ARIH2: variants seen among roughly 807,000 people sequenced by gnomAD.
ARIH2 encodes the protein ariadne RBR E3 ubiquitin protein ligase 2.
Under a neutral mutation model 79.8 loss-of-function variants are expected in ARIH2, and 12 were observed. The observed-to-expected ratio is 0.15, with a 90% confidence interval of 0.10 to 0.24. The LOEUF is 0.24. Among genes scored for constraint, ARIH2 ranks in the 10% least tolerant of loss-of-function variants. The pLI, the probability that ARIH2 is intolerant of heterozygous loss-of-function variation, is 1.00. For synonymous variants in ARIH2, 224 were observed against 213.9 expected, an observed-to-expected ratio of 1.05 and a Z score of -0.41; for missense variants, 301 against 618.3, an observed-to-expected ratio of 0.49 and a Z score of 5.44.
intron 3 of ARIH2, among the ~76,000 whole-genome samples, chr3:48,949,392 C>T (rs538938867): frequency 6.6e-6 from 1 of 152,324 alleles, no homozygotes; most frequent in East Asian, 1.9e-4. Flanking sequence ...CAGGTGTGAG[C>T]CATCGTGCCC....
intron 3 of ARIH2, among the ~76,000 whole-genome samples, chr3:48,930,121 G>A (rs1165155375): frequency 6.6e-6 from 1 of 152,156 alleles, no homozygotes; most frequent in Non-Finnish European, 1.5e-5. Flanking sequence ...GCAAAAAAAG[G>A]TTGTGGCTCT....
chr3:48,960,695 CAG>C (rs1394197555), intron 3 of ARIH2, among the ~76,000 whole-genome samples: 7 of 149,690 alleles, frequency 4.7e-5, no homozygotes, highest in African/African-American at 1.7e-4. Flanking sequence ...GCCTGGGAGA[CAG>C]AGGTTGCAGT....
intron 3 of ARIH2, among the ~76,000 whole-genome samples, chr3:48,960,778 T>G (rs2091168474): frequency 6.6e-6 from 1 of 152,088 alleles, no homozygotes; most frequent in East Asian, 1.9e-4. Flanking sequence ...AAAAAAGTCT[T>G]TCTATGTTAA....
At chr3:48,965,463 T>G (rs930482896) in intron 5 of ARIH2, among the ~76,000 whole-genome samples, 3 of 152,222 alleles carry the variant, frequency 2.0e-5, no homozygotes, top group African/African-American at 7.2e-5. Flanking sequence ...AAAGTTTCCT[T>G]ATAGATAGGG....
At chr3:48,982,210 T>G (rs2107707774) in intron 14 of ARIH2, among the ~76,000 whole-genome samples, 1 of 152,324 alleles carries the variant, frequency 6.6e-6, no homozygotes, top group East Asian at 1.9e-4. Flanking sequence ...AGAGAGAAAT[T>G]ACCACTGTCA....
chr3:48,938,130 TTGA>T lies in ARIH2; in HGVS notation c.255+10323_255+10325del, dbSNP rs368551756. Among the ~76,000 whole-genome samples the T allele has an allele frequency of 4.1e-4, 63 of 152,250 alleles. 2 individuals are homozygous for T. The South Asian group carries it at 0.013, about 31-fold the overall frequency. ...CACCAGGTTGGCCAGGCTGTCCTTTTTGATGATGTAGAGATGACTGATGGCATC... is the reference window on the plus strand; with the variant it reads ...CACCAGGTTGGCCAGGCTGTCCTTTTTGATGTAGAGATGACTGATGGCATC... On this transcript the variant is annotated intron_variant, in intron 3 of 15. Transcript: ENST00000356401.
At position 48,967,196 on chromosome 3, in the gene ARIH2, T is replaced by G. The variant is rs1272669426; in HGVS notation, c.459T>G (p.Ser153=). The change falls in exon 6 of 16, where the codon TCT becomes TCG. Residue 153 remains serine (S), a synonymous_variant. Transcript: ENST00000356401. ...MQFVRKENLL[S]LACQHQFCRS... ...TTGTGCGAAAGGAAAACCTACTCTC[T>G]CTGGCCTGTCAGCACCAGTTTTGCC... 6.2e-7 allele frequency: 1 copy of G among 1,614,224 alleles called. No homozygotes were observed. Among genetic ancestry groups the G allele is most frequent in the South Asian group, 1.1e-5 (1 of 91,082 alleles).
chr3:48,964,001 C>T lies in ARIH2; in HGVS notation c.324-918C>T, dbSNP rs542508423. 9.2e-5 allele frequency among the ~76,000 whole-genome samples: 14 copies of T among 152,012 alleles called. No homozygotes were observed. In the East Asian group the frequency reaches 2.5e-3, roughly 27 times the overall value. ...GTTTTGTTTACTCTGAATACTGATC[C>T]TTTGCCAGTTATTTTTTTTATTTTT... On this transcript the variant is annotated intron_variant, in intron 4 of 15. Coordinates refer to ENST00000356401, the MANE Select transcript of ARIH2 (RefSeq NM_006321.4).
chr3:48,919,322 C>A, intron 1 of ARIH2: 1 of 783,922 alleles, frequency 1.3e-6, no homozygotes, highest in Non-Finnish European at 1.8e-6. Context: ...CGGGGCTCAC[C>A]ACTCGAGTCA....
At chr3:48,967,939 A>G (rs1279410236) in intron 6 of ARIH2, 1 of 151,834 alleles carries the variant, frequency 6.6e-6, no homozygotes, top group Non-Finnish European at 1.5e-5. Flanking sequence ...AGTTTCTTTT[A>G]TGCAACTTGG....
chr3:48,938,000 T>TCA (rs1196455040), intron 3 of ARIH2, among the ~76,000 whole-genome samples: 1 of 147,206 alleles, frequency 6.8e-6, no homozygotes, highest in Non-Finnish European at 1.5e-5. Context: ...TGAGCCGAGA[T>TCA]TGTGCCACTG....
intron 3 of ARIH2, among the ~76,000 whole-genome samples, chr3:48,943,966 A>C (rs1043872698): frequency 1.3e-5 from 2 of 151,976 alleles, no homozygotes; most frequent in African/African-American, 4.8e-5. Context: ...TTTTAGTCCT[A>C]CTCTGTGCAG....
chr3:48,969,315 G>A (rs1308030441), intron 7 of ARIH2, among the ~76,000 whole-genome samples: 2 of 151,860 alleles, frequency 1.3e-5, no homozygotes, highest in East Asian at 1.9e-4. Context: ...AGGAGCTGCT[G>A]TTAGATTCAG....
intron 3 of ARIH2, 82 bp from the exon 4 acceptor site, chr3:48,961,530 G>A: frequency 3.7e-6 from 3 of 817,114 alleles, no homozygotes; most frequent in Non-Finnish European, 6.1e-6. Flanking sequence ...TAATAGACAT[G>A]AATGTATACA....
chr3:48,975,995 C>T (rs2092476248), intron 11 of ARIH2, among the ~76,000 whole-genome samples: 1 of 152,116 alleles, frequency 6.6e-6, no homozygotes, highest in Non-Finnish European at 1.5e-5. Flanking sequence ...ACTGCAACCT[C>T]CACCTCCTGG....
At chr3:48,940,812 T>A (rs202188790) in intron 3 of ARIH2, among the ~76,000 whole-genome samples, 7,889 of 95,038 alleles carry the variant, frequency 0.083, 612 homozygotes, top group African/African-American at 0.23. Flanking sequence ...AAAAAAAATA[T>A]ATATATATAT....
intron 3 of ARIH2, among the ~76,000 whole-genome samples, chr3:48,953,276 A>G (rs992645109): frequency 4.6e-5 from 7 of 152,176 alleles, no homozygotes; most frequent in African/African-American, 7.2e-5. Context: ...TCAACATCTT[A>G]TCAAATTATG....
chr3:48,954,653 T>C (rs2090376478), intron 3 of ARIH2, among the ~76,000 whole-genome samples: 1 of 152,146 alleles, frequency 6.6e-6, no homozygotes, highest in Non-Finnish European at 1.5e-5. Context: ...TAGGGTTTGC[T>C]CTTTAAACAG....
chr3:48,960,463 A>C (rs559506658), intron 3 of ARIH2, among the ~76,000 whole-genome samples: 16 of 151,994 alleles, frequency 1.1e-4, no homozygotes, highest in African/African-American at 3.6e-4. Context: ...ATTTAAAAAA[A>C]AAAAAAACAA....
Sources: gnomAD v4.1 joint callset for allele counts (sites outside exome capture counted in the v4.1 genomes callset) on GRCh38, gnomAD v4.1.1 for gene constraint, MANE v1.5 for transcripts, NCBI Gene and HGNC (gene_info 2026-07-23, HGNC 2026-07-21) for gene names.